Variants in ACTN4 observed in about 807,000 individuals in gnomAD.
The protein encoded by ACTN4 is alpha-actinin-4.
A neutral mutation model predicts 114.2 loss-of-function variants in ACTN4; 18 were observed. The observed-to-expected ratio is 0.16, with a 90% CI of 0.11 to 0.23. The LOEUF is 0.23. Ranked by LOEUF, ACTN4 falls within the 10% of genes least tolerant of loss-of-function variation. The pLI, the probability that ACTN4 is intolerant of heterozygous loss-of-function variation, is 1.00. For synonymous variants in ACTN4, 515 were observed against 506.3 expected, an observed-to-expected ratio of 1.02 and a Z score of -0.23; for missense variants, 722 against 1,262.9, an observed-to-expected ratio of 0.57 and a Z score of 6.49.
chr19:38,722,445 A>G (rs1033890878), intron 12 of ACTN4, among the ~76,000 whole-genome samples: 4 of 150,606 alleles, frequency 2.7e-5, no homozygotes, highest in Admixed American at 6.6e-5. Context: ...GCTTATTCCT[A>G]TGAGTCCAAG....
At chr19:38,726,277 G>T (rs1380551219) in intron 17 of ACTN4, among the ~76,000 whole-genome samples, 1 of 143,648 alleles carries the variant, frequency 7.0e-6, no homozygotes, top group East Asian at 2.0e-4. Context: ...GACAGAGCCA[G>T]ACTCTGTCTC....
At chr19:38,705,935 C>A in intron 4 of ACTN4, 109 bp from the exon 5 acceptor site, 2 of 1,052,440 alleles carry the variant, frequency 1.9e-6, no homozygotes, top group Non-Finnish European at 3.0e-6. Context: ...ATCCTCTCCC[C>A]TTGGGTTTCG....
chr19:38,730,984 A>C lies in ACTN4; in HGVS notation c.*1552A>C. ...GCTCACCTGTCTGTGGGTCAGGCAG[A>C]TGACCCCCTCACCCCCATCCAGGTG... On this transcript the variant is annotated 3_prime_UTR_variant, in exon 21 of 21. Coordinates refer to ENST00000252699, the MANE Select transcript of ACTN4 (RefSeq NM_004924.6). 5 of 1,551,224 alleles carry C rather than the reference A, an allele frequency of 3.2e-6. No individual in the cohort carries two copies. The highest frequency in any genetic ancestry group is 1.2e-5 in the South Asian group (1 of 84,152).
In ACTN4 at chr19:38,730,957, T is replaced by G; in HGVS notation, c.*1525T>G. ...CCTGAGCCACCCTGTCCCTCCCACC[T>G]GGCTCACCTGTCTGTGGGTCAGGCA... On this transcript the variant is annotated 3_prime_UTR_variant, in exon 21 of 21. Transcript: ENST00000252699. 2 of 1,550,604 alleles carry G rather than the reference T, an allele frequency of 1.3e-6. No homozygotes were observed. The highest frequency in any genetic ancestry group is 1.7e-6 in the Non-Finnish European group (2 of 1,147,070).
chr19:38,678,785 C>T (rs1048231206), intron 1 of ACTN4, among the ~76,000 whole-genome samples: 1 of 152,168 alleles, frequency 6.6e-6, no homozygotes, highest in Non-Finnish European at 1.5e-5. Flanking sequence ...TACCCCAAGT[C>T]CTTGCCCCTG....
At chr19:38,681,319 G>T (rs1967568383) in intron 1 of ACTN4, among the ~76,000 whole-genome samples, 2 of 151,880 alleles carry the variant, frequency 1.3e-5, no homozygotes, top group African/African-American at 4.8e-5. Flanking sequence ...CTCCTGACTG[G>T]CCTTCTCCAG....
chr19:38,680,324 G>A (rs1967524889), intron 1 of ACTN4, among the ~76,000 whole-genome samples: 1 of 150,596 alleles, frequency 6.6e-6, no homozygotes, highest in South Asian at 2.1e-4. Flanking sequence ...CACCTCCTGG[G>A]TTCAAGCAAG....
At chr19:38,648,983 A>G (rs1976472913) in intron 1 of ACTN4, among the ~76,000 whole-genome samples, 1 of 151,714 alleles carries the variant, frequency 6.6e-6, no homozygotes, top group Non-Finnish European at 1.5e-5. Context: ...AGACTGAGAA[A>G]GGAATTTGAG....
chr19:38,724,288 C>T lies in ACTN4; in HGVS notation c.1824C>T (p.Ser608=). ...GCAACCACATCAAGCTGTCGGGCAG[C>T]AACCCCTACACCACCGTCACCCCGC... ...AESNHIKLSG[S]NPYTTVTPQI... The change falls in exon 15 of 21, where the codon AGC becomes AGT. Residue 608 remains serine (S), a synonymous_variant. Coordinates refer to ENST00000252699, the MANE Select transcript of ACTN4 (RefSeq NM_004924.6). The surrounding 1 kb of genome is among the most constrained non-coding windows in gnomAD (Gnocchi z 7.0). The T allele has an allele frequency of 1.2e-6, 2 of 1,613,912 alleles. No homozygotes were observed. The highest frequency in any genetic ancestry group is 1.1e-5 in the South Asian group (1 of 91,086).
At chr19:38,686,892 A>G (rs997738748) in intron 1 of ACTN4, among the ~76,000 whole-genome samples, 2 of 151,850 alleles carry the variant, frequency 1.3e-5, no homozygotes, top group East Asian at 1.9e-4. Context: ...CGGGCCGCCT[A>G]TCCCCCTTTA....
At chr19:38,648,489 G>T (rs1976456982) in intron 1 of ACTN4, among the ~76,000 whole-genome samples, 1 of 151,982 alleles carries the variant, frequency 6.6e-6, no homozygotes, top group Non-Finnish European at 1.5e-5. Flanking sequence ...TCTGAAGACG[G>T]GTGGGAAGAC....
intron 1 of ACTN4, among the ~76,000 whole-genome samples, chr19:38,673,557 T>C: frequency 1.1e-5 from 1 of 87,912 alleles, no homozygotes. Context: ...TTATATATAC[T>C]TATATATATT....
chr19:38,673,703 ATATATT>A lies in ACTN4; in HGVS notation c.162+25802_162+25807del, dbSNP rs1365800658. ...ATATTTATATATATTATATATATTTATATATTTATATATTTATATATACTTATATAT... is the reference window on the plus strand; with the variant it reads ...ATATTTATATATATTATATATATTTATATATATTTATATATACTTATATAT... On this transcript the variant is annotated intron_variant, in intron 1 of 20. Transcript: ENST00000252699. Among the ~76,000 whole-genome samples the A allele has an allele frequency of 1.1e-4, 9 of 83,466 alleles. 1 individual carries two copies. Among genetic ancestry groups the A allele is most frequent in the African/African-American group, 3.6e-4 (8 of 21,954 alleles). 54.8% of individuals were successfully genotyped at this position (83,466 alleles called of 152,430 possible).
intron 8 of ACTN4, 114 bp downstream of exon 8, chr19:38,710,456 A>T: frequency 9.0e-7 from 1 of 1,107,146 alleles, no homozygotes; most frequent in Non-Finnish European, 1.4e-6. Flanking sequence ...CCTCTCTCCA[A>T]CTGGAAGCCA....
At chr19:38,679,568 CGTGTGT>C (rs10583743) in intron 1 of ACTN4, among the ~76,000 whole-genome samples, 62 of 145,522 alleles carry the variant, frequency 4.3e-4, no homozygotes, top group South Asian at 1.3e-3. Context: ...TTTGGGTGTG[CGTGTGT>C]GTGTGTGTGT....
At chr19:38,698,889 G>A (rs576572820) in intron 1 of ACTN4, among the ~76,000 whole-genome samples, 6 of 152,238 alleles carry the variant, frequency 3.9e-5, no homozygotes, top group Non-Finnish European at 7.3e-5. Flanking sequence ...CTCCCTGAAT[G>A]AGCAGGGCTG....
chr19:38,725,762 G>A lies in ACTN4; in HGVS notation c.2049G>A (p.Leu683=), dbSNP rs1969212565. 1 of 1,614,102 alleles carries A rather than the reference G, an allele frequency of 6.2e-7. No individual in the cohort carries two copies. The highest frequency in any genetic ancestry group is 8.5e-7 in the Non-Finnish European group (1 of 1,180,048). The change falls in exon 17 of 21, where the codon CTG becomes CTA. Residue 683 remains leucine, a synonymous_variant. Coordinates refer to ENST00000252699, the MANE Select transcript of ACTN4 (RefSeq NM_004924.6). ...TCTCCATTGAGATGAACGGGACCCT[G>A]GAGGACCAGCTGAGCCACCTGAAGC... ...GRISIEMNGT[L]EDQLSHLKQY... is the part of the protein sequence containing the mutation.
At chr19:38,703,048 G>A (rs1968335859) in intron 3 of ACTN4, among the ~76,000 whole-genome samples, 2 of 152,150 alleles carry the variant, frequency 1.3e-5, no homozygotes, top group African/African-American at 4.8e-5. Flanking sequence ...CCTTGCATAT[G>A]GCGTGTTGAC....
intron 16 of ACTN4, 79 bp from the exon 17 acceptor site, chr19:38,725,645 A>G (rs1236412744): frequency 2.4e-5 from 37 of 1,523,042 alleles, no homozygotes; most frequent in Non-Finnish European, 3.1e-5. Flanking sequence ...GCAGGCCAGC[A>G]GCGCGAGTGG....
Sources: allele counts gnomAD v4.1 joint callset (sites outside exome capture counted in the v4.1 genomes callset), GRCh38; gene constraint gnomAD v4.1.1; non-coding constraint Gnocchi (gnomAD v3.1); transcripts MANE v1.5; gene names NCBI Gene and HGNC (gene_info 2026-07-23, HGNC 2026-07-21).